Variants in GPM6A observed in about 807,000 individuals in gnomAD.
GPM6A encodes the protein glycoprotein M6A, also known as neuronal membrane glycoprotein M6-a.
Under a neutral mutation model 32.1 loss-of-function variants are expected in GPM6A, and 7 were observed. The ratio of observed to expected loss-of-function variants is 0.22; its 90% CI spans 0.12 to 0.41. The LOEUF (loss-of-function observed/expected upper bound fraction) is 0.41. Ranked by LOEUF, GPM6A falls within the 10% of genes least tolerant of loss-of-function variation. The pLI, the probability that GPM6A is intolerant of heterozygous loss-of-function variation, is 1.00. For missense variants in GPM6A, 235 were observed against 347.2 expected, an observed-to-expected ratio of 0.68 and a Z score of 2.57; for synonymous variants, 130 against 123.4, an observed-to-expected ratio of 1.05 and a Z score of -0.35.
rs747599416 is a variant in GPM6A, at chr4:175,640,707, T to C, written c.618+46A>G. ...AATACATTATCCAAATAATAAAAAA[T>C]GAATGCTAAAATTCTGACAAAATTA... On this transcript the variant is annotated intron_variant, in intron 5 of 6. Coordinates refer to ENST00000393658, the MANE Select transcript of GPM6A (RefSeq NM_201591.3). 1.5e-5 allele frequency: 18 copies of C among 1,233,516 alleles called. No homozygotes were observed. The South Asian group carries it at 2.0e-4, about 13-fold the overall frequency. The allele number at this position is 1,233,516 out of a possible 1,614,324, so 76.4% of individuals were successfully genotyped here.
chr4:175,756,384 C>T (rs553733455), intron 1 of GPM6A, among the ~76,000 whole-genome samples: 2 of 152,022 alleles, frequency 1.3e-5, no homozygotes, highest in African/African-American at 2.4e-5. Context: ...TGAGTTATGG[C>T]TGTAGCAATG....
chr4:175,729,294 G>A (rs923120581), intron 1 of GPM6A, among the ~76,000 whole-genome samples: 1 of 151,942 alleles, frequency 6.6e-6, no homozygotes, highest in East Asian at 1.9e-4. Context: ...AAATTACATG[G>A]TCATCCTACT....
At chr4:175,810,199 T>G (rs1345937419) in intron 1 of GPM6A, among the ~76,000 whole-genome samples, 9 of 152,132 alleles carry the variant, frequency 5.9e-5, no homozygotes, top group Non-Finnish European at 1.5e-5. Flanking sequence ...CACGCACATA[T>G]CGACAGAGCA....
chr4:175,662,121 T>C (rs1198453309), intron 3 of GPM6A, among the ~76,000 whole-genome samples: 2 of 152,134 alleles, frequency 1.3e-5, no homozygotes, highest in African/African-American at 2.4e-5. Flanking sequence ...ATTATTATGA[T>C]TGTCAATGGA....
chr4:175,829,749 GA>G lies in GPM6A; in HGVS notation c.-22-17501del, dbSNP rs367789843. On this transcript the variant is annotated intron_variant, in intron 1 of 7. Coordinates refer to the GPM6A transcript ENST00000280187. ...AGGAAATATATAAGATATATATATA[GA>G]TATATATATCTTACTCATTTTTCTT... Among the ~76,000 whole-genome samples, 713 of 145,092 alleles carry G rather than the reference GA, an allele frequency of 4.9e-3. 2 individuals carry two copies. The highest frequency in any genetic ancestry group is 0.018 in the South Asian group (84 of 4,608).
At chr4:175,945,505 T>C (rs550774973) in intron 1 of GPM6A, among the ~76,000 whole-genome samples, 111 of 151,970 alleles carry the variant, frequency 7.3e-4, no homozygotes, top group African/African-American at 2.4e-3. Flanking sequence ...TATTACTTAG[T>C]TGTAAGTAAT....
rs563267422 is a variant in GPM6A, at chr4:175,716,414, T to C, written c.38-14647A>G. 2.0e-5 allele frequency among the ~76,000 whole-genome samples: 3 copies of C among 152,328 alleles called. No individual in the cohort carries two copies. The South Asian group carries it at 6.2e-4, about 32-fold the overall frequency. On this transcript the variant is annotated intron_variant, in intron 1 of 6. Coordinates refer to ENST00000393658, the MANE Select transcript of GPM6A (RefSeq NM_201591.3). Reference sequence around the variant, plus strand: ...CTGAGTAACTGGTAAAGAGTGTTTATGTAGGTTTGCTGGAGAGGTAATTCA... The same window carrying C: ...CTGAGTAACTGGTAAAGAGTGTTTACGTAGGTTTGCTGGAGAGGTAATTCA...
At chr4:175,866,863 C>A (rs1736757163) in intron 1 of GPM6A, among the ~76,000 whole-genome samples, 1 of 152,168 alleles carries the variant, frequency 6.6e-6, no homozygotes, top group South Asian at 2.1e-4. Context: ...AGCGGTTATA[C>A]CATTTTGCAT....
intron 2 of GPM6A, among the ~76,000 whole-genome samples, chr4:175,678,401 T>C (rs1560869727): frequency 6.6e-6 from 1 of 152,130 alleles, no homozygotes; most frequent in Admixed American, 6.6e-5. Flanking sequence ...CTAGAATGGA[T>C]AGGGGTGGCA....
intron 1 of GPM6A, among the ~76,000 whole-genome samples, chr4:175,730,620 G>A (rs773546714): frequency 1.3e-5 from 2 of 151,826 alleles, no homozygotes; most frequent in South Asian, 2.1e-4. Flanking sequence ...ACAGGCGCCC[G>A]CCACCACGCG....
Position 175,812,248 on chromosome 4 carries a change from A to C in GPM6A, c.-21T>G. 1 of 1,518,382 alleles carries C rather than the reference A, an allele frequency of 6.6e-7. No individual in the cohort carries two copies. The highest frequency in any genetic ancestry group is 8.9e-7 in the Non-Finnish European group (1 of 1,127,672). The allele number at this position is 1,518,382 out of a possible 1,614,324, so 94.1% of individuals were successfully genotyped here. A position where few individuals can be genotyped will look rare whatever the true frequency, so the allele number is the denominator to read the frequency against. The stretch of plus-strand genomic sequence containing the variant: ...TCCATGGCTACCTTTCTTCAGTAGA[A>C]TCTGGTACACGGAATTAATCAAAAG... On this transcript the variant is annotated 5_prime_UTR_variant, in exon 1 of 7. Transcript: ENST00000393658.
chr4:175,895,731 T>C (rs1737775246), intron 1 of GPM6A, among the ~76,000 whole-genome samples: 1 of 152,210 alleles, frequency 6.6e-6, no homozygotes, highest in Non-Finnish European at 1.5e-5. Context: ...GAAAATGGAA[T>C]ATTTATTTGG....
intron 3 of GPM6A, among the ~76,000 whole-genome samples, chr4:175,668,555 G>A (rs1192306968): frequency 6.6e-6 from 1 of 151,640 alleles, no homozygotes; most frequent in Non-Finnish European, 1.5e-5. Context: ...ATTTTAAAAG[G>A]CATTAAAGTT....
intron 3 of GPM6A, among the ~76,000 whole-genome samples, chr4:175,672,590 T>A (rs1012465164): frequency 6.6e-6 from 1 of 152,206 alleles, no homozygotes; most frequent in Non-Finnish European, 1.5e-5. Flanking sequence ...GTAACTAAGT[T>A]TCCCTGGATC....
chr4:175,800,488 G>A (rs989373827), intron 1 of GPM6A, among the ~76,000 whole-genome samples: 12 of 152,054 alleles, frequency 7.9e-5, no homozygotes, highest in African/African-American at 1.2e-4. Flanking sequence ...AAGATCGGGC[G>A]CATCAAATTC....
At chr4:175,762,673 T>C (rs1213132707) in intron 1 of GPM6A, among the ~76,000 whole-genome samples, 1 of 152,118 alleles carries the variant, frequency 6.6e-6, no homozygotes, top group Non-Finnish European at 1.5e-5. Flanking sequence ...TGATTCCCAG[T>C]GGGTAAACAA....
chr4:175,918,238 A>T (rs1738557503), intron 1 of GPM6A, among the ~76,000 whole-genome samples: 1 of 152,108 alleles, frequency 6.6e-6, no homozygotes, highest in African/African-American at 2.4e-5. Context: ...GAATGTTTTT[A>T]AAAAACATTG....
At chr4:175,688,138 C>T (rs996687375) in intron 2 of GPM6A, among the ~76,000 whole-genome samples, 1 of 152,172 alleles carries the variant, frequency 6.6e-6, no homozygotes, top group Admixed American at 6.5e-5. Context: ...TTATCTCATT[C>T]TGTAGGCTGC....
chr4:175,645,025 G>A lies in GPM6A; in HGVS notation c.542-4196C>T, dbSNP rs562660772. ...TAAGGCAGGAGAATCGCTTGAACCCGGGAGGTGGATGTTGCAGTGAGACGA... is the reference window on the plus strand; with the variant it reads ...TAAGGCAGGAGAATCGCTTGAACCCAGGAGGTGGATGTTGCAGTGAGACGA... On this transcript the variant is annotated intron_variant, in intron 4 of 6. Transcript: ENST00000393658. Among the ~76,000 whole-genome samples the A allele has an allele frequency of 6.6e-5, 10 of 152,152 alleles. No individual in the cohort carries two copies. In the South Asian group the frequency reaches 8.3e-4, roughly 13 times the overall value.
Sources: gnomAD v4.1 joint callset for allele counts (sites outside exome capture counted in the v4.1 genomes callset) on GRCh38, gnomAD v4.1.1 for gene constraint, MANE v1.5 for transcripts, NCBI Gene and HGNC (gene_info 2026-07-23, HGNC 2026-07-21) for gene names.